Variants in EYS observed in about 807,000 individuals in gnomAD.
The protein encoded by EYS is EGF-like photoreceptor maintenance factor.
In EYS, 250 loss-of-function variants were observed where a neutral mutation model predicts 282.1. The ratio of observed to expected loss-of-function variants is 0.89; its 90% CI spans 0.80 to 0.98. The LOEUF is 0.98. EYS is among the 50% of genes least tolerant of loss of function. EYS has a pLI of 0.00. For synonymous variants in EYS, 1,355 were observed against 1,282.9 expected, an observed-to-expected ratio of 1.06 and a Z score of -1.20; for missense variants, 4,016 against 3,709.0, an observed-to-expected ratio of 1.08 and a Z score of -2.15.
At chr6:65,125,596 T>A (rs1203815887) in intron 12 of EYS, among the ~76,000 whole-genome samples, 1 of 152,212 alleles carries the variant, frequency 6.6e-6, no homozygotes, top group East Asian at 1.9e-4. Context: ...GCTGTTGTAA[T>A]AAAGAATCCG....
intron 29 of EYS, among the ~76,000 whole-genome samples, chr6:64,327,933 G>A (rs1027308922): frequency 2.6e-5 from 4 of 152,112 alleles, no homozygotes; most frequent in African/African-American, 9.7e-5. Context: ...AAAAGTGAAG[G>A]GAGGAACTCC....
At chr6:64,955,420 AG>A (rs1348553184) in intron 14 of EYS, among the ~76,000 whole-genome samples, 2 of 152,152 alleles carry the variant, frequency 1.3e-5, no homozygotes, top group African/African-American at 4.8e-5. Flanking sequence ...ACATAGTTAG[AG>A]GCTGGCTACA....
chr6:64,966,503 A>G (rs902874323), intron 14 of EYS, among the ~76,000 whole-genome samples: 2 of 152,162 alleles, frequency 1.3e-5, no homozygotes, highest in African/African-American at 2.4e-5. Context: ...GCTTCTCTTT[A>G]TGTGAGGACG....
At chr6:65,369,656 A>G (rs1208279921) in intron 8 of EYS, among the ~76,000 whole-genome samples, 2 of 151,412 alleles carry the variant, frequency 1.3e-5, no homozygotes, top group African/African-American at 4.8e-5. Context: ...AACCACAACG[A>G]TATTGGCATT....
intron 1 of EYS, among the ~76,000 whole-genome samples, chr6:65,662,803 A>T (rs1444698245): frequency 6.6e-6 from 1 of 152,214 alleles, no homozygotes; most frequent in Non-Finnish European, 1.5e-5. Context: ...GAAAAAATAA[A>T]AGGGAAGGTG....
intron 33 of EYS, among the ~76,000 whole-genome samples, chr6:64,058,133 G>T (rs2149848997): frequency 6.6e-6 from 1 of 152,200 alleles, no homozygotes; most frequent in East Asian, 1.9e-4. Flanking sequence ...AGATCTGATG[G>T]TTTTATAAAG....
At chr6:65,662,310 G>A (rs1297330468) in intron 1 of EYS, among the ~76,000 whole-genome samples, 1 of 152,014 alleles carries the variant, frequency 6.6e-6, no homozygotes, top group African/African-American at 2.4e-5. Context: ...TTAATGAAAT[G>A]GCTCATCTCC....
intron 12 of EYS, among the ~76,000 whole-genome samples, chr6:65,267,390 G>A (rs186823397): frequency 6.6e-6 from 1 of 151,796 alleles, no homozygotes; most frequent in East Asian, 1.9e-4. Context: ...CAAAAAAATC[G>A]ATCATAGTCT....
chr6:64,173,680 C>CT lies in EYS; in HGVS notation c.6424+56911dup, dbSNP rs370332411. Among the ~76,000 whole-genome samples the CT allele has an allele frequency of 7.9e-5, 12 of 152,204 alleles. 1 individual carries two copies. Among genetic ancestry groups the CT allele is most frequent in the African/African-American group, 2.9e-4 (12 of 41,536 alleles). Reference sequence around the variant, plus strand: ...TTTCAGTGTGATACCTTAATGGGAACTTTTACTTAAAAAGCAGGGTTCGAT... The same window carrying CT: ...TTTCAGTGTGATACCTTAATGGGAACTTTTTACTTAAAAAGCAGGGTTCGAT... On this transcript the variant is annotated intron_variant, in intron 31 of 42. Transcript: ENST00000503581.
chr6:65,299,640 C>T (rs1161680794), intron 11 of EYS, among the ~76,000 whole-genome samples: 1 of 151,972 alleles, frequency 6.6e-6, no homozygotes, highest in Non-Finnish European at 1.5e-5. Flanking sequence ...GCAAATATTT[C>T]TTATAGAATA....
intron 30 of EYS, among the ~76,000 whole-genome samples, chr6:64,243,135 G>A (rs1766890921): frequency 6.6e-6 from 1 of 150,682 alleles, no homozygotes; most frequent in African/African-American, 2.4e-5. Flanking sequence ...CTAAATAAAA[G>A]CACATAAAGT....
intron 12 of EYS, among the ~76,000 whole-genome samples, chr6:65,183,063 T>A (rs77728569): frequency 0.011 from 1,610 of 152,094 alleles, 24 homozygotes; most frequent in African/African-American, 0.035. Context: ...ACTGCTGGGA[T>A]TACAAGCAAG....
At chr6:64,451,722 C>T (rs370177727) in intron 26 of EYS, among the ~76,000 whole-genome samples, 22 of 152,232 alleles carry the variant, frequency 1.4e-4, no homozygotes, top group East Asian at 7.7e-4. Flanking sequence ...AATCAATAAA[C>T]GTAATCCAGC....
At chr6:63,843,638 C>T (rs1304214824) in intron 36 of EYS, among the ~76,000 whole-genome samples, 1 of 152,162 alleles carries the variant, frequency 6.6e-6, no homozygotes, top group East Asian at 1.9e-4. Context: ...AAGCCACAGT[C>T]AGTATCATAC....
At chr6:63,724,284 C>T (rs891062908) in intron 42 of EYS, among the ~76,000 whole-genome samples, 1 of 152,116 alleles carries the variant, frequency 6.6e-6, no homozygotes, top group African/African-American at 2.4e-5. Flanking sequence ...GCTATCCCAC[C>T]GTGCTTTATT....
At chr6:64,663,900 AACCC>A (rs956715819) in intron 22 of EYS, among the ~76,000 whole-genome samples, 1 of 152,160 alleles carries the variant, frequency 6.6e-6, no homozygotes, top group Admixed American at 6.5e-5. Flanking sequence ...AGAACCATGG[AACCC>A]AGCGACTAGT....
At chr6:63,926,475 C>A (rs560815728) in intron 35 of EYS, among the ~76,000 whole-genome samples, 53 of 152,274 alleles carry the variant, frequency 3.5e-4, no homozygotes, top group African/African-American at 1.3e-3. Context: ...TGTCTTAGAG[C>A]CAGTCTCTGA....
chr6:64,475,387 T>C (rs1369767338), intron 26 of EYS, among the ~76,000 whole-genome samples: 1 of 110,170 alleles, frequency 9.1e-6, no homozygotes, highest in African/African-American at 3.1e-5. Context: ...CCGTCTCTAC[T>C]AAAAATACAA....
At chr6:63,938,583 T>C (rs1330084562) in intron 35 of EYS, among the ~76,000 whole-genome samples, 1 of 152,256 alleles carries the variant, frequency 6.6e-6, no homozygotes, top group Non-Finnish European at 1.5e-5. Context: ...TTAATTCTCT[T>C]GGTTGAAAAA....
Sources: gnomAD v4.1 joint callset for allele counts (sites outside exome capture counted in the v4.1 genomes callset) on GRCh38, gnomAD v4.1.1 for gene constraint, MANE v1.5 for transcripts, NCBI Gene and HGNC (gene_info 2026-07-23, HGNC 2026-07-21) for gene names.